STAT3: variants seen among roughly 807,000 people sequenced by gnomAD.
STAT3 encodes the protein DNA-binding protein APRF.
Under a neutral mutation model 114.3 loss-of-function variants are expected in STAT3, and 7 were observed. The ratio of observed to expected loss-of-function variants is 0.06; its 90% CI spans 0.03 to 0.11. The LOEUF is 0.11. Among genes scored for constraint, STAT3 ranks in the 10% least tolerant of loss-of-function variants. STAT3 has a pLI of 1.00. For missense variants in STAT3, 364 were observed against 960.9 expected, an observed-to-expected ratio of 0.38 and a Z score of 8.21; for synonymous variants, 331 against 354.5, an observed-to-expected ratio of 0.93 and a Z score of 0.74.
chr17:42,322,165 A>G (rs1716772608), intron 21 of STAT3, 117 bp downstream of exon 21: 4 of 967,188 alleles, frequency 4.1e-6, no homozygotes, highest in Admixed American at 2.0e-5. Context: ...TCTTTCCCAT[A>G]AGGAGAAATA....
At chr17:42,348,573 G>T in intron 1 of STAT3, 34 bp from the exon 2 acceptor site, 5 of 1,610,816 alleles carry the variant, frequency 3.1e-6, no homozygotes, top group Non-Finnish European at 3.4e-6. Context: ...TTCACCACAA[G>T]TCCCAGTAGG....
At chr17:42,315,891 G>C in intron 23 of STAT3, 91 bp from the exon 24 acceptor site, 2 of 1,607,314 alleles carry the variant, frequency 1.2e-6, no homozygotes, top group East Asian at 4.5e-5. Flanking sequence ...CAGGGCCCAG[G>C]CTACCACTGC....
chr17:42,348,643 A>G (rs1427668061), intron 1 of STAT3, 104 bp from the exon 2 acceptor site: 13 of 1,331,214 alleles, frequency 9.8e-6, no homozygotes, highest in Non-Finnish European at 1.3e-5. Flanking sequence ...GACTAGGGAT[A>G]AAGATGCTCT....
chr17:42,387,550 T>TTC (rs972858979), intron 1 of STAT3: 1 of 152,334 alleles, frequency 6.6e-6, no homozygotes, highest in African/African-American at 2.4e-5. Flanking sequence ...AGAGGTTTAT[T>TTC]TCTCTCTCTA....
At chr17:42,367,333 T>C (rs1456128421) in intron 1 of STAT3, among the ~76,000 whole-genome samples, 3 of 150,842 alleles carry the variant, frequency 2.0e-5, no homozygotes, top group Admixed American at 6.6e-5. Flanking sequence ...AGCAAGATTT[T>C]GTCTCCAAAA....
chr17:42,361,481 C>CA (rs112008324), intron 1 of STAT3, among the ~76,000 whole-genome samples: 2,754 of 123,744 alleles, frequency 0.022, 69 homozygotes, highest in African/African-American at 0.058. Flanking sequence ...AAAACTCTGT[C>CA]AAAAAAAAAA....
At chr17:42,345,933 G>A (rs796988417) in intron 3 of STAT3, among the ~76,000 whole-genome samples, 32 of 150,392 alleles carry the variant, frequency 2.1e-4, no homozygotes, top group African/African-American at 7.4e-4. Context: ...GAGTGCAGTG[G>A]CGCAATCACG....
intron 8 of STAT3, 140 bp from the exon 9 acceptor site, chr17:42,334,189 G>T: frequency 1.0e-6 from 1 of 962,018 alleles, no homozygotes; most frequent in Non-Finnish European, 1.5e-6. Context: ...AATATATATA[G>T]CATGAAATTT....
chr17:42,359,737 C>T (rs1046277928), intron 1 of STAT3, among the ~76,000 whole-genome samples: 1 of 152,114 alleles, frequency 6.6e-6, no homozygotes, highest in African/African-American at 2.4e-5. Flanking sequence ...TTTTATCCCA[C>T]TTTACAGAGG....
At chr17:42,330,057 C>T (rs2081929239) in intron 11 of STAT3, among the ~76,000 whole-genome samples, 1 of 152,168 alleles carries the variant, frequency 6.6e-6, no homozygotes, top group South Asian at 2.1e-4. Flanking sequence ...TCCAGTGCAT[C>T]CTCATGAAAT....
chr17:42,314,067 G>A lies in STAT3; in HGVS notation c.*1678C>T, dbSNP rs1219685299. The A allele has an allele frequency of 4.3e-6, 1 of 232,352 alleles. No homozygotes were observed. Among genetic ancestry groups the A allele is most frequent in the Non-Finnish European group, 8.5e-6 (1 of 117,472 alleles). The allele number at this position is 232,352 out of a possible 1,614,324, so 14.4% of individuals were successfully genotyped here. A position where few individuals can be genotyped will look rare whatever the true frequency, so the allele number is the denominator to read the frequency against. On this transcript the variant is annotated 3_prime_UTR_variant, in exon 24 of 24. Transcript: ENST00000264657. ...GTGCTAGGTGTTCCCATACGCACAG[G>A]AGAGGCGAGCTAGCCAGCCAAGGCG...
chr17:42,313,481 G>GCTTATAAACCAC lies in STAT3; in HGVS notation c.*2252_*2263dup, dbSNP rs2144589695. 4.4e-6 allele frequency: 1 copy of GCTTATAAACCAC among 225,232 alleles called. No individual in the cohort carries two copies. Among genetic ancestry groups the GCTTATAAACCAC allele is most frequent in the African/African-American group, 2.2e-5 (1 of 44,770 alleles). The allele number at this position is 225,232 out of a possible 1,614,324, so 14.0% of individuals were successfully genotyped here. A position where few individuals can be genotyped will look rare whatever the true frequency, so the allele number is the denominator to read the frequency against. ...TTTGAATGCAGTGGCCAGGACAGCAGCTTATAAACCACCTTATAGGTAGGT... is the reference window on the plus strand; with the variant it reads ...TTTGAATGCAGTGGCCAGGACAGCAGCTTATAAACCACCTTATAAACCACCTTATAGGTAGGT... On this transcript the variant is annotated 3_prime_UTR_variant, in exon 24 of 24. Transcript: ENST00000264657.
At chr17:42,331,366 G>T in intron 11 of STAT3, 106 bp downstream of exon 11, 2 of 1,064,972 alleles carry the variant, frequency 1.9e-6, no homozygotes, top group Non-Finnish European at 2.8e-6. Flanking sequence ...TCCACAAAAT[G>T]AAGATCTCTG....
At chr17:42,344,510 A>G (rs2082604519) in intron 4 of STAT3, among the ~76,000 whole-genome samples, 2 of 151,320 alleles carry the variant, frequency 1.3e-5, no homozygotes, top group Admixed American at 1.3e-4. Flanking sequence ...AAGTCAGGAG[A>G]TCAAGACCAT....
intron 1 of STAT3, among the ~76,000 whole-genome samples, chr17:42,355,407 A>G (rs1035519992): frequency 3.9e-5 from 6 of 152,222 alleles, no homozygotes; most frequent in Non-Finnish European, 5.9e-5. Context: ...CTCTGGGTGC[A>G]TAAGAGAGAA....
At chr17:42,345,755 G>T in intron 3 of STAT3, 98 bp from the exon 4 acceptor site, 1 of 1,162,252 alleles carries the variant, frequency 8.6e-7, no homozygotes, top group Non-Finnish European at 1.2e-6. Context: ...ATCAAGGAAA[G>T]CATTTATTCT....
At chr17:42,353,929 T>A (rs565617916) in intron 1 of STAT3, among the ~76,000 whole-genome samples, 1 of 152,266 alleles carries the variant, frequency 6.6e-6, no homozygotes, top group Non-Finnish European at 1.5e-5. Context: ...CATCACAGTC[T>A]ACTCCCTGAA....
intron 1 of STAT3, among the ~76,000 whole-genome samples, chr17:42,376,582 C>T (rs1388728746): frequency 6.6e-6 from 1 of 150,550 alleles, no homozygotes; most frequent in Admixed American, 6.6e-5. Flanking sequence ...TGCGGTGGCT[C>T]ACACCTGTAA....
chr17:42,388,383 C>G lies in STAT3; in HGVS notation c.-128G>C. 1.6e-6 allele frequency: 2 copies of G among 1,231,664 alleles called. No individual in the cohort carries two copies. The highest frequency in any genetic ancestry group is 8.2e-5 in the South Asian group (2 of 24,334). 76.3% of individuals were successfully genotyped at this position (1,231,664 alleles called of 1,614,324 possible). ...GCCTCTCCGAGCCGAGGGGGAGAGA[C>G]AGCGCCAAGCCGGGGTGCCTGTCCA... On this transcript the variant is annotated 5_prime_UTR_variant, in exon 1 of 24. Transcript: ENST00000264657.
Sources: gnomAD v4.1 joint callset for allele counts (sites outside exome capture counted in the v4.1 genomes callset) on GRCh38, gnomAD v4.1.1 for gene constraint, MANE v1.5 for transcripts, NCBI Gene and HGNC (gene_info 2026-07-23, HGNC 2026-07-21) for gene names.